The following LMBR1 variants were observed in gnomAD, a reference collection of about 807,000 sequenced individuals.
LMBR1 encodes the protein limb region 1 protein homolog.
Under a neutral mutation model 73.9 loss-of-function variants are expected in LMBR1, and 52 were observed. The ratio of observed to expected loss-of-function variants is 0.70; its 90% CI spans 0.56 to 0.89. The LOEUF (loss-of-function observed/expected upper bound fraction) is 0.89. LMBR1 is among the 40% of genes least tolerant of loss of function. LMBR1 has a pLI of 0.00. For missense variants in LMBR1, 539 were observed against 579.8 expected, an observed-to-expected ratio of 0.93 and a Z score of 0.72; for synonymous variants, 215 against 209.4, an observed-to-expected ratio of 1.03 and a Z score of -0.23.
chr7:156,780,827 C>T (rs1372220940), intron 5 of LMBR1, among the ~76,000 whole-genome samples: 1 of 152,198 alleles, frequency 6.6e-6, no homozygotes, highest in Admixed American at 6.5e-5. Flanking sequence ...CTTTCCACCC[C>T]TACCCTTCAC....
At chr7:156,717,886 GA>G (rs1813567743) in intron 15 of LMBR1, among the ~76,000 whole-genome samples, 1 of 152,128 alleles carries the variant, frequency 6.6e-6, no homozygotes, top group Non-Finnish European at 1.5e-5. Context: ...ATATGCACAG[GA>G]AAAGGTCTGA....
At chr7:156,849,301 G>C (rs1202804487) in intron 1 of LMBR1, among the ~76,000 whole-genome samples, 1 of 152,076 alleles carries the variant, frequency 6.6e-6, no homozygotes, top group Non-Finnish European at 1.5e-5. Context: ...TTATAAGAGG[G>C]GGCTAAATAC....
At chr7:156,827,220 G>A (rs911891516) in intron 3 of LMBR1, among the ~76,000 whole-genome samples, 2 of 151,986 alleles carry the variant, frequency 1.3e-5, no homozygotes, top group African/African-American at 4.8e-5. Flanking sequence ...GAAAGCCATT[G>A]GCCTGACATC....
intron 10 of LMBR1, among the ~76,000 whole-genome samples, chr7:156,731,723 C>A (rs1161122582): frequency 2.6e-5 from 4 of 152,060 alleles, no homozygotes; most frequent in Non-Finnish European, 4.4e-5. Flanking sequence ...AAATCAGGAA[C>A]ATATGAATTA....
chr7:156,812,083 C>T (rs11769807), intron 4 of LMBR1, among the ~76,000 whole-genome samples: 6,077 of 152,214 alleles, frequency 0.04, 174 homozygotes, highest in Non-Finnish European at 0.049. Context: ...TTCATCTTCA[C>T]TAATTATGTC....
At chr7:156,823,672 A>T (rs1165177633) in intron 4 of LMBR1, 3 of 152,248 alleles carry the variant, frequency 2.0e-5, no homozygotes, top group Non-Finnish European at 4.4e-5. Flanking sequence ...CCACTAGCTT[A>T]ATATATTGCT....
intron 3 of LMBR1, among the ~76,000 whole-genome samples, chr7:156,828,055 C>T (rs183008548): frequency 1.3e-5 from 2 of 152,332 alleles, no homozygotes; most frequent in East Asian, 1.9e-4. Flanking sequence ...CAAGCTTCTC[C>T]AGTCATGGGA....
In LMBR1 at chr7:156,816,467, C is replaced by T. The variant is rs376819060; in HGVS notation, c.319+10138G>A. Among the ~76,000 whole-genome samples the T allele has an allele frequency of 7.9e-5, 12 of 152,224 alleles. No homozygotes were observed. In the South Asian group the frequency reaches 1.0e-3, roughly 13 times the overall value. ...ATGTCTGTTGGACAACTGAAGAAAA[C>T]GATTCAGTACCCTGAATCAAGAAGG... is the stretch of plus-strand genomic sequence containing the variant. On this transcript the variant is annotated intron_variant, in intron 4 of 16. Coordinates refer to ENST00000353442, the MANE Select transcript of LMBR1 (RefSeq NM_022458.4).
intron 1 of LMBR1, among the ~76,000 whole-genome samples, chr7:156,875,008 T>C (rs1461323869): frequency 1.3e-5 from 2 of 152,038 alleles, no homozygotes; most frequent in African/African-American, 2.4e-5. Context: ...ATCAAGGAGG[T>C]ACCAGAGAAA....
At position 156,798,440 on chromosome 7, in the gene LMBR1, G is replaced by A. The variant is rs188984454; in HGVS notation, c.320-1948C>T. Among the ~76,000 whole-genome samples, 5 of 152,190 alleles carry A rather than the reference G, an allele frequency of 3.3e-5. No individual in the cohort carries two copies. In the East Asian group the frequency reaches 5.8e-4, roughly 18 times the overall value. On this transcript the variant is annotated intron_variant, in intron 4 of 16. Transcript: ENST00000353442. ...GGTTTTTGTTACTAGAAATGAGCAT[G>A]TGTCCAGGAACAATCTCTTCCCTCC...
At chr7:156,793,521 T>C (rs1829587117) in intron 5 of LMBR1, among the ~76,000 whole-genome samples, 1 of 152,242 alleles carries the variant, frequency 6.6e-6, no homozygotes, top group Non-Finnish European at 1.5e-5. Flanking sequence ...GTTATTCTAC[T>C]TCAGTACATG....
intron 10 of LMBR1, among the ~76,000 whole-genome samples, chr7:156,733,330 A>G (rs146987072): frequency 5.1e-4 from 78 of 152,352 alleles, no homozygotes; most frequent in African/African-American, 1.8e-3. Context: ...AAACATATCA[A>G]GAACTAACAC....
At chr7:156,673,900 C>T (rs1216108632), downstream of LMBR1, among the ~76,000 whole-genome samples, 2 of 107,746 alleles carry the variant, frequency 1.9e-5, no homozygotes, top group Non-Finnish European at 3.5e-5. Context: ...GGTTGCTCCA[C>T]ATTAATAAAA....
In LMBR1 at chr7:156,756,435, T is replaced by C. The variant is rs373717180; in HGVS notation, c.715A>G (p.Ile239Val). The change falls in exon 9 of 17, where the codon ATC becomes GTC. Residue 239 changes from isoleucine to valine, a missense_variant. Transcript: ENST00000353442. Reference protein sequence around the residue: ...ILEDLDEQIYIITLEEEALQR... With the variant: ...ILEDLDEQIYVITLEEEALQR... Reference sequence around the variant, plus strand: ...AGTGCTTCTTCCTCTAAGGTAATGATATAAATTTGTTCATCCAGGTCTTCA... The same window carrying C: ...AGTGCTTCTTCCTCTAAGGTAATGACATAAATTTGTTCATCCAGGTCTTCA... 2.9e-5 allele frequency: 43 copies of C among 1,505,490 alleles called. No homozygotes were observed. Among genetic ancestry groups the C allele is most frequent in the Admixed American group, 7.0e-5 (4 of 57,018 alleles). The allele number at this position is 1,505,490 out of a possible 1,614,324, so 93.3% of individuals were successfully genotyped here.
At chr7:156,836,436 A>T (rs1837652460) in intron 2 of LMBR1, among the ~76,000 whole-genome samples, 2 of 152,368 alleles carry the variant, frequency 1.3e-5, no homozygotes, top group African/African-American at 4.8e-5. Flanking sequence ...GGAGACTCTA[A>T]ATATCTACTA....
rs1424555294 is a variant in LMBR1, at chr7:156,680,063, A to G, written c.*4015T>C. The G allele has an allele frequency of 1.3e-5, 2 of 152,108 alleles. No homozygotes were observed. The highest frequency in any genetic ancestry group is 2.9e-5 in the Non-Finnish European group (2 of 68,018). The allele number at this position is 152,108 out of a possible 1,614,324, so 9.4% of individuals were successfully genotyped here. A position where few individuals can be genotyped will look rare whatever the true frequency, so the allele number is the denominator to read the frequency against. ...CTTCTCCTGATATTACATTTTCTAC[A>G]GTGCAACAAGTAATTTGCGTACACA... On this transcript the variant is annotated 3_prime_UTR_variant, in exon 17 of 17. Coordinates refer to ENST00000353442, the MANE Select transcript of LMBR1 (RefSeq NM_022458.4).
At chr7:156,765,351 C>A (rs932668429) in intron 5 of LMBR1, among the ~76,000 whole-genome samples, 2 of 152,172 alleles carry the variant, frequency 1.3e-5, no homozygotes, top group Non-Finnish European at 2.9e-5. Context: ...TTATAAGCGT[C>A]TGGCATGTCC....
chr7:156,775,213 C>A (rs926343844), intron 5 of LMBR1, among the ~76,000 whole-genome samples: 2 of 151,780 alleles, frequency 1.3e-5, no homozygotes, highest in African/African-American at 4.8e-5. Context: ...ACGGAAAATT[C>A]AAAAATTAGC....
chr7:156,763,625 AC>A, intron 6 of LMBR1, 43 bp downstream of exon 6: 1 of 1,517,344 alleles, frequency 6.6e-7, no homozygotes, highest in East Asian at 2.5e-5. Context: ...ATCCCAAACT[AC>A]AGTTTCCAGT....
Sources: gnomAD v4.1 joint callset for allele counts (sites outside exome capture counted in the v4.1 genomes callset) on GRCh38, gnomAD v4.1.1 for gene constraint, MANE v1.5 for transcripts, NCBI Gene and HGNC (gene_info 2026-07-23, HGNC 2026-07-21) for gene names.